Variants in NSF observed in about 807,000 individuals in gnomAD.
NSF encodes N-ethylmaleimide sensitive factor, vesicle fusing ATPase.
A neutral mutation model predicts 50.3 loss-of-function variants in NSF; 14 were observed. The observed-to-expected ratio is 0.28, with a 90% CI of 0.18 to 0.44. The LOEUF (loss-of-function observed/expected upper bound fraction) is 0.44, where lower values mean the gene tolerates loss of function less well. Ranked by LOEUF, NSF falls within the 20% of genes least tolerant of loss-of-function variation. The probability of loss-of-function intolerance (pLI) is 1.00; values close to 1 mark genes in which losing one functional copy is unlikely to be tolerated. For synonymous variants in NSF, 109 were observed against 175.7 expected (o/e 0.62, Z 3.00); for missense variants, 218 against 504.3 (o/e 0.43, Z 5.44).
At chr17:46,714,946 T>C (rs1204917402) in intron 15 of NSF, among the ~76,000 whole-genome samples, 1 of 152,216 alleles carries the variant, frequency 6.6e-6, no homozygotes, top group Non-Finnish European at 1.5e-5. Flanking sequence ...ATTCGCTTTA[T>C]AAAGATGTAT....
At chr17:46,738,015 C>G (rs936340297) in intron 17 of NSF, among the ~76,000 whole-genome samples, 1 of 151,800 alleles carries the variant, frequency 6.6e-6, no homozygotes, top group Non-Finnish European at 1.5e-5. Context: ...ATCACTGCAG[C>G]CTTTACCTCC....
At chr17:46,747,214 G>C (rs2146333177) in intron 17 of NSF, among the ~76,000 whole-genome samples, 1 of 152,294 alleles carries the variant, frequency 6.6e-6, no homozygotes, top group Non-Finnish European at 1.5e-5. Flanking sequence ...ATTGGAAAAA[G>C]GGGCAAGTCA....
intron 17 of NSF, among the ~76,000 whole-genome samples, chr17:46,741,596 AAAG>A (rs2059072386): frequency 6.6e-6 from 1 of 152,106 alleles, no homozygotes; most frequent in African/African-American, 2.4e-5. Context: ...TGCAAAAAAA[AAAG>A]AAAAGAAAAA....
intron 19 of NSF, among the ~76,000 whole-genome samples, chr17:46,752,988 C>T (rs1026662242): frequency 4.6e-5 from 7 of 152,152 alleles, no homozygotes; most frequent in Non-Finnish European, 8.8e-5. Flanking sequence ...AAGCCGGTCT[C>T]GATCTACTGA....
At chr17:46,605,447 T>G (rs1253896305) in intron 1 of NSF, among the ~76,000 whole-genome samples, 1 of 144,176 alleles carries the variant, frequency 6.9e-6, no homozygotes, top group South Asian at 2.2e-4. Flanking sequence ...AAACTCCATC[T>G]CAAAAAAAAA....
intron 17 of NSF, among the ~76,000 whole-genome samples, chr17:46,742,879 A>C (rs2059089815): frequency 1.3e-5 from 2 of 152,192 alleles, no homozygotes; most frequent in African/African-American, 4.8e-5. Context: ...GTCTCTGTTG[A>C]ATAATACAAG....
chr17:46,735,676 G>A (rs1029934852), intron 17 of NSF, among the ~76,000 whole-genome samples: 3 of 152,134 alleles, frequency 2.0e-5, no homozygotes, highest in African/African-American at 7.2e-5. Context: ...CAGGCGCAGT[G>A]GCTCATGCCT....
chr17:46,691,765 G>GT (rs2058548843), intron 9 of NSF, among the ~76,000 whole-genome samples: 2 of 151,058 alleles, frequency 1.3e-5, no homozygotes, highest in Non-Finnish European at 2.9e-5. Context: ...AGTATTTTTT[G>GT]TTTTTGAGAC....
chr17:46,638,975 G>A (rs1385999949), intron 5 of NSF, among the ~76,000 whole-genome samples: 1 of 22,470 alleles, frequency 4.5e-5, no homozygotes, highest in Non-Finnish European at 7.4e-5. Context: ...AAATAGATAT[G>A]ATCCCTGCTG....
rs1173817239 is a variant in NSF, at chr17:46,680,268, A to G, written c.945+5655A>G. ...GCAATAGTAATTGAAACAATGTTAT[A>G]TATTCATGCAAAAACAGACCAAGGA... On this transcript the variant is annotated intron_variant, in intron 9 of 20. Transcript: ENST00000398238. Among the ~76,000 whole-genome samples, 7 of 151,988 alleles carry G rather than the reference A, an allele frequency of 4.6e-5. No individual in the cohort carries two copies. The South Asian group carries it at 1.2e-3, about 27-fold the overall frequency.
At chr17:46,734,503 A>G (rs768148537) in intron 17 of NSF, among the ~76,000 whole-genome samples, 3 of 152,140 alleles carry the variant, frequency 2.0e-5, no homozygotes, top group Non-Finnish European at 2.9e-5. Context: ...TGCTTAGTAT[A>G]GTAGATTTTC....
chr17:46,746,886 G>A (rs2059134422), intron 17 of NSF, among the ~76,000 whole-genome samples: 1 of 152,166 alleles, frequency 6.6e-6, no homozygotes, highest in Admixed American at 6.5e-5. Flanking sequence ...GACTGATCTG[G>A]AGAGGTGCCA....
chr17:46,741,956 G>A (rs114051289), intron 17 of NSF, among the ~76,000 whole-genome samples: 148,400 of 152,286 alleles, frequency 0.97, 72,397 homozygotes, highest in East Asian at 1. Flanking sequence ...GCATTTCACC[G>A]TGTTGGTCAG....
chr17:46,725,089 C>T (rs963509870), intron 15 of NSF, among the ~76,000 whole-genome samples: 10 of 152,080 alleles, frequency 6.6e-5, no homozygotes, highest in African/African-American at 2.4e-4. Flanking sequence ...GGCTTGCAAT[C>T]TAGTATAATA....
intron 15 of NSF, among the ~76,000 whole-genome samples, chr17:46,718,188 T>C (rs1454993454): frequency 6.6e-6 from 1 of 152,108 alleles, no homozygotes; most frequent in Non-Finnish European, 1.5e-5. Flanking sequence ...GTGTTTGCTC[T>C]CCCCTGACCC....
chr17:46,740,465 G>C (rs1423474440), intron 17 of NSF, among the ~76,000 whole-genome samples: 2 of 152,108 alleles, frequency 1.3e-5, no homozygotes, highest in Non-Finnish European at 2.9e-5. Flanking sequence ...TAGAACACAG[G>C]GGTCAATTTA....
intron 1 of NSF, among the ~76,000 whole-genome samples, chr17:46,605,400 A>G (rs1213124473): frequency 7.1e-6 from 1 of 140,844 alleles, no homozygotes; most frequent in Non-Finnish European, 1.6e-5. Flanking sequence ...GTGAGCCGAG[A>G]TCGTGCCATT....
chr17:46,713,995 A>T lies in NSF; in HGVS notation c.1761+9A>T. 1 of 1,595,560 alleles carries T rather than the reference A, an allele frequency of 6.3e-7. No individual in the cohort carries two copies. Among genetic ancestry groups the T allele is most frequent in the South Asian group, 1.1e-5 (1 of 87,550 alleles). ...GTCAGGCCATGAAGAAGGTATCAAG[A>T]TTTTACTTTCATTTTAATTTCCTAT... On this transcript the variant is annotated intron_variant, in intron 15 of 20. Coordinates refer to ENST00000398238, the MANE Select transcript of NSF (RefSeq NM_006178.4).
intron 8 of NSF, among the ~76,000 whole-genome samples, chr17:46,666,045 G>C (rs78891640): frequency 6.8e-6 from 1 of 147,418 alleles, no homozygotes; most frequent in African/African-American, 2.5e-5. Flanking sequence ...CGGCAGAGCA[G>C]GGTGTGTGCT....
Sources: allele counts gnomAD v4.1 joint callset (sites outside exome capture counted in the v4.1 genomes callset), GRCh38; gene constraint gnomAD v4.1.1; transcripts MANE v1.5; gene names NCBI Gene and HGNC (gene_info 2026-07-23, HGNC 2026-07-21).